EPB41L3: variants seen among roughly 807,000 people sequenced by gnomAD.
EPB41L3 encodes the protein band 4.1-like protein 3.
EPB41L3 carries 57 observed loss-of-function variants against 127.1 expected under a neutral mutation model. That is an observed-to-expected ratio of 0.45 (90% CI 0.36 to 0.56). The LOEUF is 0.56. Among genes scored for constraint, EPB41L3 ranks in the 20% least tolerant of loss-of-function variants. The probability of loss-of-function intolerance (pLI) is 0.00; values close to 1 mark genes in which losing one functional copy is unlikely to be tolerated. For missense variants in EPB41L3, 1,273 were observed against 1,372.2 expected, an observed-to-expected ratio of 0.93 and a Z score of 1.14; for synonymous variants, 572 against 549.5, an observed-to-expected ratio of 1.04 and a Z score of -0.57.
chr18:5,397,239 G>T lies in EPB41L3; in HGVS notation c.2660C>A (p.Thr887Lys). 1 of 1,614,150 alleles carries T rather than the reference G, an allele frequency of 6.2e-7. No individual in the cohort carries two copies. Among genetic ancestry groups the T allele is most frequent in the Non-Finnish European group, 8.5e-7 (1 of 1,180,038 alleles). The change falls in exon 18 of 23, where the codon ACA (threonine) becomes AAA (lysine). Residue 887 changes from threonine (T) to lysine (K), a missense_variant. Around this residue, in one of 3 missense-constraint regions of EPB41L3, gnomAD observed 765 missense variants for 782.9 expected, o/e 0.98. Coordinates refer to ENST00000341928, the MANE Select transcript of EPB41L3 (RefSeq NM_012307.5). This position sits in a 1 kb window ranked among gnomAD's most constrained non-coding sequence, Gnocchi z 4.1. The part of the protein sequence containing the change: ...SGDAAAQPAF[T>K]GIKGKEGSAL... Reference sequence around the variant, plus strand: ...AGAGCCCTCTTTCCCTTTAATGCCTGTGAATGCGGGCTGTGCTGCAGCATC... The same window carrying T: ...AGAGCCCTCTTTCCCTTTAATGCCTTTGAATGCGGGCTGTGCTGCAGCATC...
intron 3 of EPB41L3, among the ~76,000 whole-genome samples, chr18:5,603,931 T>C (rs1420726051): frequency 6.6e-6 from 1 of 152,088 alleles, no homozygotes. Flanking sequence ...AAAGTTAACA[T>C]TTCCTGGAAG....
intron 1 of EPB41L3, among the ~76,000 whole-genome samples, chr18:5,505,552 TTCAGCTCTTACCCTCCCCACCATACC>T: frequency 7.1e-6 from 1 of 141,364 alleles, no homozygotes; most frequent in Admixed American, 7.1e-5. Context: ...CCTCCACACC[TTCAGCTCTTACCCTCCCCACCATACC>T]TTCACCTCCA....
At chr18:5,476,072 C>T (rs545498761) in intron 3 of EPB41L3, among the ~76,000 whole-genome samples, 16 of 152,246 alleles carry the variant, frequency 1.1e-4, no homozygotes, top group Non-Finnish European at 2.4e-4. Context: ...CAACTAGCAC[C>T]TCATTGCCTC....
chr18:5,571,464 C>T (rs1017873020), intron 3 of EPB41L3, among the ~76,000 whole-genome samples: 3 of 152,146 alleles, frequency 2.0e-5, no homozygotes, highest in African/African-American at 4.8e-5. Flanking sequence ...TTGTACTCAG[C>T]GTGACACAGT....
At chr18:5,500,046 G>A (rs73379585) in intron 1 of EPB41L3, among the ~76,000 whole-genome samples, 1,971 of 151,972 alleles carry the variant, frequency 0.013, 36 homozygotes, top group African/African-American at 0.045. Flanking sequence ...CCACTATGGC[G>A]GCTTTAAGCT....
At chr18:5,396,821 C>T (rs954504126) in intron 18 of EPB41L3, among the ~76,000 whole-genome samples, 3 of 152,114 alleles carry the variant, frequency 2.0e-5, no homozygotes, top group Non-Finnish European at 4.4e-5. Flanking sequence ...AGAGTAGAAA[C>T]CATTTCCTGG....
chr18:5,394,667 C>T lies in EPB41L3; in HGVS notation c.*6+10G>A, dbSNP rs775413787. 6.2e-7 allele frequency: 1 copy of T among 1,607,628 alleles called. No individual in the cohort carries two copies. The highest frequency in any genetic ancestry group is 8.5e-7 in the Non-Finnish European group (1 of 1,174,540). On this transcript the variant is annotated intron_variant, in intron 22 of 22. Coordinates refer to ENST00000341928, the MANE Select transcript of EPB41L3 (RefSeq NM_012307.5). ...CTAGGCAAGCCTAGAGAATCGGCAT[C>T]ACCTCTTACCTCTGGTCAATCCTCT...
At chr18:5,565,630 C>T (rs2094189313) in intron 3 of EPB41L3, among the ~76,000 whole-genome samples, 1 of 132,402 alleles carries the variant, frequency 7.6e-6, no homozygotes, top group Non-Finnish European at 1.6e-5. Flanking sequence ...CCCCCCACCC[C>T]ACAACAGGCC....
chr18:5,599,470 C>T (rs979796598), intron 3 of EPB41L3, among the ~76,000 whole-genome samples: 2 of 152,088 alleles, frequency 1.3e-5, no homozygotes, highest in Non-Finnish European at 2.9e-5. Context: ...GTGTCCCCAC[C>T]CAAATCTCAT....
chr18:5,544,776 C>T (rs2093847328), upstream of EPB41L3, among the ~76,000 whole-genome samples: 1 of 152,068 alleles, frequency 6.6e-6, no homozygotes, highest in Non-Finnish European at 1.5e-5. Context: ...TTTGATTGTA[C>T]ATTTTAAAAT....
chr18:5,581,020 G>C (rs938329324), intron 3 of EPB41L3, among the ~76,000 whole-genome samples: 1 of 152,168 alleles, frequency 6.6e-6, no homozygotes, highest in African/African-American at 2.4e-5. Context: ...GTGACTCTCT[G>C]AGGGTCTGTG....
At chr18:5,426,820 C>A (rs896586428) in intron 9 of EPB41L3, among the ~76,000 whole-genome samples, 4 of 152,120 alleles carry the variant, frequency 2.6e-5, no homozygotes. Context: ...GCTCACTTAA[C>A]AAATGTTCAA....
At chr18:5,575,356 G>A (rs2094326585) in intron 3 of EPB41L3, among the ~76,000 whole-genome samples, 2 of 152,068 alleles carry the variant, frequency 1.3e-5, no homozygotes, top group South Asian at 4.1e-4. Context: ...GATCCCTCAT[G>A]AATGGCTTGG....
intron 12 of EPB41L3, among the ~76,000 whole-genome samples, chr18:5,418,447 G>A (rs1221965514): frequency 6.6e-6 from 1 of 152,140 alleles, no homozygotes; most frequent in Non-Finnish European, 1.5e-5. Flanking sequence ...TGTTGGCATG[G>A]CGAGTTTATA....
In EPB41L3 at chr18:5,465,975, A is replaced by C. The variant is rs142878530; in HGVS notation, c.381+12266T>G. Among the ~76,000 whole-genome samples, 735 of 150,612 alleles carry C rather than the reference A, an allele frequency of 4.9e-3. 5 individuals are homozygous for C. Among genetic ancestry groups the C allele is most frequent in the African/African-American group, 0.018 (709 of 40,378 alleles). ...CCATATGTATTACCACCACCAACAA[A>C]AAAAAAAAAGTAGGAAAAAAACTAT... On this transcript the variant is annotated intron_variant, in intron 3 of 22. Transcript: ENST00000341928.
intron 6 of EPB41L3, among the ~76,000 whole-genome samples, chr18:5,435,072 C>A (rs573986058): frequency 6.6e-6 from 1 of 151,720 alleles, no homozygotes; most frequent in South Asian, 2.1e-4. Flanking sequence ...AAAGTAAAAA[C>A]AAATTATAAA....
chr18:5,522,858 A>G (rs985396662), intron 1 of EPB41L3, among the ~76,000 whole-genome samples: 2 of 152,254 alleles, frequency 1.3e-5, no homozygotes, highest in African/African-American at 4.8e-5. Context: ...AGTGCCTGGC[A>G]TATGATAGGT....
At chr18:5,598,304 A>G (rs542177991) in intron 3 of EPB41L3, among the ~76,000 whole-genome samples, 1 of 152,304 alleles carries the variant, frequency 6.6e-6, no homozygotes, top group African/African-American at 2.4e-5. Flanking sequence ...AGATGAGAAT[A>G]CACTTGTCTT....
intron 1 of EPB41L3, among the ~76,000 whole-genome samples, chr18:5,524,902 G>A (rs948842523): frequency 6.6e-6 from 1 of 152,174 alleles, no homozygotes; most frequent in Non-Finnish European, 1.5e-5. Context: ...CCCCACAAAG[G>A]AGTGAGGAGC....
Sources: gnomAD v4.1 joint callset for allele counts (sites outside exome capture counted in the v4.1 genomes callset) on GRCh38, gnomAD v4.1.1 for gene constraint, gnomAD v4.1.1 regional missense constraint, Gnocchi (gnomAD v3.1) non-coding constraint, MANE v1.5 for transcripts, NCBI Gene and HGNC (gene_info 2026-07-23, HGNC 2026-07-21) for gene names.